FKBP1B: variants seen among roughly 807,000 people sequenced by gnomAD.
FKBP1B encodes the protein FKBP prolyl isomerase 1B, also known as peptidyl-prolyl cis-trans isomerase FKBP1B.
A neutral mutation model predicts 13.5 loss-of-function variants in FKBP1B; 4 were observed. The ratio of observed to expected loss-of-function variants is 0.30; its 90% CI spans 0.15 to 0.68. FKBP1B has a LOEUF of 0.68. Among genes scored for constraint, FKBP1B ranks in the 30% least tolerant of loss-of-function variants. The probability of loss-of-function intolerance (pLI) is 0.76; values close to 1 mark genes in which losing one functional copy is unlikely to be tolerated. For missense variants in FKBP1B, 93 were observed against 136.2 expected (o/e 0.68, Z 1.58); for synonymous variants, 54 against 53.6 (o/e 1.01, Z -0.03).
At chr2:24,039,239 T>G in the FKBP1B span, 1 of 1,614,236 alleles carries the variant, frequency 6.2e-7, no homozygotes, top group East Asian at 2.2e-5. Context: ...TGCCACACAG[T>G]GACATGCTTC....
At chr2:24,043,888 TAA>T in the FKBP1B span, among the ~76,000 whole-genome samples, 1 of 147,488 alleles carries the variant, frequency 6.8e-6, no homozygotes. Context: ...ATCTTTCACT[TAA>T]AAAAAAAAAG....
At chr2:24,043,594 T>C in the FKBP1B span, among the ~76,000 whole-genome samples, 1 of 152,212 alleles carries the variant, frequency 6.6e-6, no homozygotes, top group Non-Finnish European at 1.5e-5. Context: ...AAACTGGCAG[T>C]ACTCATATTT....
chr2:24,060,126 A>G (rs929905628), intron 2 of FKBP1B, among the ~76,000 whole-genome samples: 4 of 71,800 alleles, frequency 5.6e-5, no homozygotes, highest in African/African-American at 3.1e-4. Flanking sequence ...GTGTTTAAAG[A>G]AAAAAAAAAA....
chr2:24,058,821 G>A (rs1372343345), intron 2 of FKBP1B, among the ~76,000 whole-genome samples: 3 of 152,212 alleles, frequency 2.0e-5, no homozygotes, highest in South Asian at 2.1e-4. Flanking sequence ...AAATGCATGC[G>A]ATTGTATTTG....
the FKBP1B span, chr2:24,033,365 G>T: frequency 4.2e-6 from 1 of 235,994 alleles, no homozygotes; most frequent in Non-Finnish European, 8.7e-6. Context: ...CAGAGGATTT[G>T]CATAAAATAA....
Position 24,063,475 on chromosome 2 carries a change from T to TTAA in FKBP1B, c.*284_*285insAAT. ...TTCCTGATGACAGAACACAGATCTC[T>TTAA]TGTTCGCACAATCTACACTGCCTTA... On this transcript the variant is annotated 3_prime_UTR_variant, in exon 4 of 4. Coordinates refer to ENST00000380986, the MANE Select transcript of FKBP1B (RefSeq NM_004116.5). The TTAA allele has an allele frequency of 5.8e-6, 2 of 347,608 alleles. No homozygotes were observed. Among genetic ancestry groups the TTAA allele is most frequent in the South Asian group, 8.6e-5 (1 of 11,636 alleles). The allele number at this position is 347,608 out of a possible 1,614,324, so 21.5% of individuals were successfully genotyped here.
the FKBP1B span, among the ~76,000 whole-genome samples, chr2:24,037,242 C>T: frequency 2.6e-5 from 4 of 152,118 alleles, no homozygotes; most frequent in Admixed American, 6.5e-5. Context: ...AGGCTGGTCT[C>T]GAACTCCTGA....
chr2:24,062,675 G>A (rs1558350302), intron 3 of FKBP1B, among the ~76,000 whole-genome samples: 1 of 152,092 alleles, frequency 6.6e-6, no homozygotes, highest in Non-Finnish European at 1.5e-5. Flanking sequence ...TTAAATAACT[G>A]CCCCTGTCAC....
the FKBP1B span, among the ~76,000 whole-genome samples, chr2:24,034,553 G>C: frequency 6.7e-6 from 1 of 150,298 alleles, no homozygotes; most frequent in Admixed American, 6.8e-5. Context: ...AAAAAACTGA[G>C]GAATTGAAAG....
At chr2:24,054,428 A>C (rs1664029027) in intron 2 of FKBP1B, 1 of 224,814 alleles carries the variant, frequency 4.4e-6, no homozygotes, top group Non-Finnish European at 9.9e-6. Context: ...GTACTGAGGG[A>C]GCCCAGAGCG....
At chr2:24,035,548 A>T in the FKBP1B span, among the ~76,000 whole-genome samples, 2 of 152,158 alleles carry the variant, frequency 1.3e-5, no homozygotes, top group African/African-American at 4.8e-5. Context: ...AAGAAAACAA[A>T]CTCTTTAAAA....
chr2:24,055,690 A>G (rs541659864), intron 2 of FKBP1B, among the ~76,000 whole-genome samples: 4 of 152,310 alleles, frequency 2.6e-5, no homozygotes, highest in African/African-American at 9.6e-5. Flanking sequence ...AGTATGTTGC[A>G]ATTTATGTAT....
At chr2:24,045,765 TATTTCAAGACCAGCCTAGGC>T (rs1379268168), upstream of FKBP1B, 1 of 151,886 alleles carries the variant, frequency 6.6e-6, no homozygotes, top group Non-Finnish European at 1.5e-5. Context: ...TTGATGCCAG[TATTTCAAGACCAGCCTAGGC>T]AACACAGGGA....
chr2:24,037,885 A>C, the FKBP1B span: 1 of 1,614,168 alleles, frequency 6.2e-7, no homozygotes. Flanking sequence ...AGGAGGCTCC[A>C]GTGTGCTGGT....
chr2:24,048,053 A>C (rs768268819), upstream of FKBP1B, among the ~76,000 whole-genome samples: 1 of 152,156 alleles, frequency 6.6e-6, no homozygotes, highest in Non-Finnish European at 1.5e-5. Flanking sequence ...GAGGAAATGG[A>C]GGAAGAACAC....
intron 1 of FKBP1B, among the ~76,000 whole-genome samples, chr2:24,052,163 C>T (rs1459380176): frequency 6.6e-6 from 1 of 152,212 alleles, no homozygotes; most frequent in Non-Finnish European, 1.5e-5. Flanking sequence ...ACTCTCTTCT[C>T]TGCTGCCACC....
rs1319355620 is a variant in FKBP1B, at chr2:24,050,547, G to C, written c.37+661G>C. On this transcript the variant is annotated intron_variant, in intron 1 of 3. Coordinates refer to ENST00000380986, the MANE Select transcript of FKBP1B (RefSeq NM_004116.5). The surrounding 1 kb of genome is among the most constrained non-coding windows in gnomAD (Gnocchi z 5.8). The stretch of plus-strand genomic sequence containing the variant: ...GCCGAACCTCTCCCTGGACGTCCCA[G>C]GGTGCTCCCTGGTCAGCAAGTCCAA... Among the ~76,000 whole-genome samples the C allele has an allele frequency of 1.3e-5, 2 of 152,122 alleles. No homozygotes were observed. Among genetic ancestry groups the C allele is most frequent in the African/African-American group, 4.8e-5 (2 of 41,414 alleles).
At chr2:24,051,826 G>A (rs896845224) in intron 1 of FKBP1B, among the ~76,000 whole-genome samples, 8 of 152,030 alleles carry the variant, frequency 5.3e-5, no homozygotes, top group Non-Finnish European at 1.0e-4. Flanking sequence ...TCTAAATATC[G>A]GCTCTGTGGT....
At chr2:24,059,894 C>CAAAAAAAAA (rs10679224) in intron 2 of FKBP1B, among the ~76,000 whole-genome samples, 1 of 49,816 alleles carries the variant, frequency 2.0e-5, no homozygotes, top group Non-Finnish European at 3.6e-5. Flanking sequence ...GACTCCGACT[C>CAAAAAAAAA]AAAAAAAAAA....
Sources: allele counts gnomAD v4.1 joint callset (sites outside exome capture counted in the v4.1 genomes callset), GRCh38; gene constraint gnomAD v4.1.1; non-coding constraint Gnocchi (gnomAD v3.1); transcripts MANE v1.5; gene names NCBI Gene and HGNC (gene_info 2026-07-23, HGNC 2026-07-21).